The following ZMYM2 variants were observed in gnomAD, a reference collection of about 807,000 sequenced individuals.
The protein encoded by ZMYM2 is zinc finger MYM-type protein 2.
ZMYM2 carries 56 observed loss-of-function variants against 162.8 expected under a neutral mutation model. The observed-to-expected ratio is 0.34, with a 90% CI of 0.28 to 0.43. The LOEUF is 0.43. ZMYM2 is among the 20% of genes least tolerant of loss of function. The pLI is 1.00. For missense variants in ZMYM2, 1,275 were observed against 1,621.8 expected (o/e 0.79, Z 3.67); for synonymous variants, 510 against 541.6 (o/e 0.94, Z 0.81).
At chr13:20,011,799 G>T (rs1016707463) in intron 6 of ZMYM2, among the ~76,000 whole-genome samples, 5 of 151,184 alleles carry the variant, frequency 3.3e-5, no homozygotes, top group African/African-American at 9.7e-5. Flanking sequence ...GCTCAGGCTG[G>T]AGTGCGGTGG....
At chr13:20,039,686 C>T (rs1021638541) in intron 12 of ZMYM2, among the ~76,000 whole-genome samples, 1 of 152,116 alleles carries the variant, frequency 6.6e-6, no homozygotes, top group African/African-American at 2.4e-5. Context: ...CCATGTTAGC[C>T]AGGATGGTCT....
chr13:19,865,664 C>G, the ZMYM2 span, among the ~76,000 whole-genome samples: 1 of 152,162 alleles, frequency 6.6e-6, no homozygotes, highest in South Asian at 2.1e-4. Flanking sequence ...ATCTTTTTCA[C>G]AATTTTTTGG....
chr13:20,075,670 C>CCTTTTT (rs1957435702), intron 21 of ZMYM2, among the ~76,000 whole-genome samples: 3 of 75,738 alleles, frequency 4.0e-5, no homozygotes, highest in African/African-American at 1.6e-4. Flanking sequence ...CTATAGACAC[C>CCTTTTT]TTTTTTTTTT....
chr13:20,026,872 A>T (rs1020189766), intron 8 of ZMYM2, 110 bp downstream of exon 8: 1 of 1,173,660 alleles, frequency 8.5e-7, no homozygotes. Context: ...TTTATTTTAT[A>T]TTAATCTTTT....
intron 10 of ZMYM2, among the ~76,000 whole-genome samples, chr13:20,031,797 C>A (rs978392976): frequency 2.0e-5 from 3 of 151,062 alleles, no homozygotes; most frequent in African/African-American, 7.3e-5. Flanking sequence ...CACTCAGTAC[C>A]TGTACATATT....
the ZMYM2 span, among the ~76,000 whole-genome samples, chr13:19,923,538 T>A: frequency 5.4e-5 from 8 of 147,218 alleles, no homozygotes; most frequent in East Asian, 4.0e-4. Flanking sequence ...TTTTTTTTTT[T>A]ATAAGAGACG....
At chr13:20,018,219 G>C (rs1454014366) in intron 6 of ZMYM2, among the ~76,000 whole-genome samples, 1 of 152,076 alleles carries the variant, frequency 6.6e-6, no homozygotes, top group Non-Finnish European at 1.5e-5. Context: ...TAGAGAAAAT[G>C]TTCTTAGTAC....
chr13:19,866,318 C>T, the ZMYM2 span, among the ~76,000 whole-genome samples: 1 of 152,124 alleles, frequency 6.6e-6, no homozygotes, highest in Non-Finnish European at 1.5e-5. Context: ...TTAATAAAAG[C>T]TTGTAAATTT....
At chr13:20,046,410 C>T (rs2140489233) in intron 12 of ZMYM2, among the ~76,000 whole-genome samples, 1 of 151,534 alleles carries the variant, frequency 6.6e-6, no homozygotes, top group Admixed American at 6.6e-5. Flanking sequence ...AAAAATTAGC[C>T]AGGCATGGTG....
At chr13:19,965,414 C>A (rs1262452471) in intron 2 of ZMYM2, 2 of 428,204 alleles carry the variant, frequency 4.7e-6, no homozygotes, top group Non-Finnish European at 7.9e-6. Flanking sequence ...AATAGTGTTT[C>A]TTGGAATATC....
chr13:20,065,574 C>T (rs1956611499), intron 19 of ZMYM2, among the ~76,000 whole-genome samples: 3 of 152,096 alleles, frequency 2.0e-5, no homozygotes, highest in African/African-American at 7.2e-5. Context: ...AAGGCTGAGG[C>T]GGGAAGATTG....
At chr13:19,919,595 G>A in the ZMYM2 span, among the ~76,000 whole-genome samples, 1 of 151,880 alleles carries the variant, frequency 6.6e-6, no homozygotes, top group Non-Finnish European at 1.5e-5. Flanking sequence ...CTGATGGCTA[G>A]TGATGTTGAA....
chr13:20,017,696 G>A (rs9579764), intron 6 of ZMYM2, among the ~76,000 whole-genome samples: 15,444 of 151,286 alleles, frequency 0.1, 1,294 homozygotes, highest in African/African-American at 0.22. Flanking sequence ...TTTCGGGTTG[G>A]GTACTTTTTA....
At chr13:19,948,300 G>C in the ZMYM2 span, among the ~76,000 whole-genome samples, 4 of 152,082 alleles carry the variant, frequency 2.6e-5, no homozygotes, top group African/African-American at 9.7e-5. Context: ...CTTGCACATG[G>C]GTATTTATAG....
chr13:20,001,118 A>G (rs113208935), intron 3 of ZMYM2, among the ~76,000 whole-genome samples: 4 of 152,326 alleles, frequency 2.6e-5, no homozygotes, highest in African/African-American at 9.6e-5. Context: ...GAGGCTGGGC[A>G]TGGAGGCTCA....
intron 2 of ZMYM2, among the ~76,000 whole-genome samples, chr13:19,967,126 AC>A (rs1209760130): frequency 6.6e-6 from 1 of 152,094 alleles, no homozygotes; most frequent in Non-Finnish European, 1.5e-5. Flanking sequence ...TCCTGGACTT[AC>A]CTGTTCATTT....
At chr13:19,941,912 AATTT>A in the ZMYM2 span, among the ~76,000 whole-genome samples, 13 of 151,370 alleles carry the variant, frequency 8.6e-5, no homozygotes, top group African/African-American at 2.7e-4. Flanking sequence ...ACACCTGGCT[AATTT>A]ATTTATTTTT....
the ZMYM2 span, among the ~76,000 whole-genome samples, chr13:19,921,996 C>G: frequency 4.6e-5 from 7 of 152,058 alleles, no homozygotes; most frequent in Non-Finnish European, 8.8e-5. Context: ...TTACTGCAAC[C>G]TCTGCCTCCC....
At chr13:20,061,011 T>C in intron 16 of ZMYM2, 42 bp from the exon 17 acceptor site, 1 of 1,554,226 alleles carries the variant, frequency 6.4e-7, no homozygotes, top group Non-Finnish European at 8.7e-7. Flanking sequence ...AAATACCTTT[T>C]AATGTTTAGT....
Sources: gnomAD v4.1 joint callset for allele counts (sites outside exome capture counted in the v4.1 genomes callset) on GRCh38, gnomAD v4.1.1 for gene constraint, MANE v1.5 for transcripts, NCBI Gene and HGNC (gene_info 2026-07-23, HGNC 2026-07-21) for gene names.